The following SH3RF1 variants were observed in gnomAD, a reference collection of about 807,000 sequenced individuals.
SH3RF1 encodes the protein SH3 domain containing ring finger 1, also known as E3 ubiquitin-protein ligase SH3RF1.
A neutral mutation model predicts 74.0 loss-of-function variants in SH3RF1; 32 were observed. The observed-to-expected ratio is 0.43, with a 90% CI of 0.33 to 0.58. The LOEUF (loss-of-function observed/expected upper bound fraction) is 0.58, where lower values mean the gene tolerates loss of function less well. Ranked by LOEUF, SH3RF1 falls within the 20% of genes least tolerant of loss-of-function variation. The pLI is 0.05. For synonymous variants in SH3RF1, 396 were observed against 439.6 expected (o/e 0.90, Z 1.24); for missense variants, 954 against 1,130.9 (o/e 0.84, Z 2.24).
intron 2 of SH3RF1, among the ~76,000 whole-genome samples, chr4:169,243,849 T>A (rs1730952553): frequency 6.6e-6 from 1 of 152,260 alleles, no homozygotes; most frequent in African/African-American, 2.4e-5. Flanking sequence ...AGAAATTCCC[T>A]CCTGACTACA....
intron 4 of SH3RF1, among the ~76,000 whole-genome samples, chr4:169,152,059 T>C (rs1351232559): frequency 6.6e-6 from 1 of 152,254 alleles, no homozygotes; most frequent in Non-Finnish European, 1.5e-5. Flanking sequence ...ATCTGTTTTT[T>C]TAAAACTGTA....
intron 2 of SH3RF1, among the ~76,000 whole-genome samples, chr4:169,222,604 C>A (rs1016935560): frequency 2.6e-5 from 4 of 151,476 alleles, no homozygotes; most frequent in African/African-American, 9.7e-5. Context: ...AAATTAATAA[C>A]ATTGTTAAGA....
intron 2 of SH3RF1, among the ~76,000 whole-genome samples, chr4:169,235,039 C>T (rs1730805227): frequency 6.6e-6 from 1 of 152,172 alleles, no homozygotes. Context: ...TTAAAATCAA[C>T]TTCTAATTTA....
intron 4 of SH3RF1, among the ~76,000 whole-genome samples, chr4:169,147,413 T>C (rs1342645231): frequency 6.6e-6 from 1 of 152,200 alleles, no homozygotes; most frequent in Non-Finnish European, 1.5e-5. Flanking sequence ...AATCAGCTAA[T>C]AAATCAGTGA....
At chr4:169,177,756 A>T (rs1241796439) in intron 2 of SH3RF1, among the ~76,000 whole-genome samples, 1 of 152,172 alleles carries the variant, frequency 6.6e-6, no homozygotes, top group African/African-American at 2.4e-5. Context: ...AGTTTCCATA[A>T]AGTTTAGAGG....
In SH3RF1 at chr4:169,095,997, A is replaced by G. The variant is rs1009059765; in HGVS notation, c.*522T>C. On this transcript the variant is annotated 3_prime_UTR_variant, in exon 12 of 12. Transcript: ENST00000284637. The stretch of plus-strand genomic sequence containing the variant: ...TTAGAGAACTGGGATTTCTATCTTA[A>G]AGAAGCAAAACATAACCCCAAAATA... The G allele has an allele frequency of 6.6e-6, 1 of 152,242 alleles. No homozygotes were observed. The highest frequency in any genetic ancestry group is 1.5e-5 in the Non-Finnish European group (1 of 68,058). The allele number at this position is 152,242 out of a possible 1,614,324, so 9.4% of individuals were successfully genotyped here.
chr4:169,224,694 G>A (rs914643746), intron 2 of SH3RF1, among the ~76,000 whole-genome samples: 4 of 152,202 alleles, frequency 2.6e-5, no homozygotes, highest in African/African-American at 9.7e-5. Flanking sequence ...TAGCTGCAGG[G>A]GTAACCAGGA....
At chr4:169,169,006 T>A (rs193043646) in intron 2 of SH3RF1, among the ~76,000 whole-genome samples, 2 of 152,142 alleles carry the variant, frequency 1.3e-5, no homozygotes, top group African/African-American at 2.4e-5. Flanking sequence ...CCTTCTACAA[T>A]GTCATTAGGA....
At position 169,124,822 on chromosome 4, in the gene SH3RF1, T is replaced by C. The variant is rs936184746; in HGVS notation, c.1180-2556A>G. On this transcript the variant is annotated intron_variant, in intron 6 of 11. Coordinates refer to ENST00000284637, the MANE Select transcript of SH3RF1 (RefSeq NM_020870.4). ...GGTGATGTGGAAGTTCAAAAGGTAATCCACTGTGTATTGTGCTTCAGGCAG... is the reference window on the plus strand; with the variant it reads ...GGTGATGTGGAAGTTCAAAAGGTAACCCACTGTGTATTGTGCTTCAGGCAG... Among the ~76,000 whole-genome samples, 4 of 152,278 alleles carry C rather than the reference T, an allele frequency of 2.6e-5. No individual in the cohort carries two copies. The East Asian group carries it at 5.8e-4, about 22-fold the overall frequency.
intron 2 of SH3RF1, among the ~76,000 whole-genome samples, chr4:169,248,794 T>C (rs1731049753): frequency 6.6e-6 from 1 of 152,216 alleles, no homozygotes; most frequent in Admixed American, 6.5e-5. Flanking sequence ...CTACTCCAGA[T>C]TGAAGTGCAC....
intron 2 of SH3RF1, among the ~76,000 whole-genome samples, chr4:169,241,735 G>A (rs953723200): frequency 4.6e-5 from 7 of 152,178 alleles, no homozygotes; most frequent in Non-Finnish European, 8.8e-5. Flanking sequence ...ACACTGTGTG[G>A]GCAGAACTTG....
In SH3RF1 at chr4:169,116,291, G is replaced by A; in HGVS notation, c.2117C>T (p.Thr706Ile). 1 of 1,611,948 alleles carries A rather than the reference G, an allele frequency of 6.2e-7. No individual in the cohort carries two copies. ...ASSACGNSSA[T>I]KPDKDSKKEK... ...TACTTTGCTATCCTTGTCTGGTTTG[G>A]TTGCTGAACTGTTCCCACAAGCTGA... The change falls in exon 10 of 12, where the codon ACC becomes ATC. Residue 706 changes from threonine (T) to isoleucine (I), a missense_variant. Transcript: ENST00000284637.
intron 11 of SH3RF1, among the ~76,000 whole-genome samples, chr4:169,105,889 A>G (rs963991): frequency 0.046 from 7,024 of 152,266 alleles, 549 homozygotes; most frequent in African/African-American, 0.16. Flanking sequence ...CTGTCTCAAA[A>G]AAAGAAGAGA....
intron 2 of SH3RF1, among the ~76,000 whole-genome samples, chr4:169,266,680 G>T (rs1731362140): frequency 6.6e-6 from 1 of 152,074 alleles, no homozygotes; most frequent in Non-Finnish European, 1.5e-5. Context: ...GTCTAGGCTA[G>T]ACTTGAACTC....
chr4:169,190,197 G>A (rs1339383734), intron 2 of SH3RF1, among the ~76,000 whole-genome samples: 1 of 151,894 alleles, frequency 6.6e-6, no homozygotes, highest in Admixed American at 6.6e-5. Context: ...CCTGAACCCA[G>A]CAAAAGAAAG....
At chr4:169,098,695 G>T (rs1732969952) in intron 11 of SH3RF1, among the ~76,000 whole-genome samples, 1 of 152,196 alleles carries the variant, frequency 6.6e-6, no homozygotes, top group African/African-American at 2.4e-5. Context: ...ATCAAGCATG[G>T]AATGAGGAAG....
chr4:169,254,738 A>G (rs1731158623), intron 2 of SH3RF1, among the ~76,000 whole-genome samples: 1 of 152,188 alleles, frequency 6.6e-6, no homozygotes, highest in Non-Finnish European at 1.5e-5. Flanking sequence ...CCCTTCCACA[A>G]CTTGAAGCCC....
chr4:169,122,178 G>T lies in SH3RF1; in HGVS notation c.1268C>A (p.Ala423Asp). The T allele has an allele frequency of 6.2e-7, 1 of 1,613,698 alleles. No individual in the cohort carries two copies. Among genetic ancestry groups the T allele is most frequent in the Non-Finnish European group, 8.5e-7 (1 of 1,180,032 alleles). Residue 423 changes from alanine (A) to aspartate (D), a missense_variant, in exon 7 of 12, where the codon GCT becomes GAT. Physicochemically the swap from Ala to Asp is moderately radical, Grantham distance 126. Around this residue, in one of 3 missense-constraint regions of SH3RF1, gnomAD observed 854 missense variants for 962.5 expected, o/e 0.89. Transcript: ENST00000284637. Reference protein sequence around the residue: ...TPPGATAAAAAAGMGPRPMAG... With the variant: ...TPPGATAAAADAGMGPRPMAG... ...CATGGGCCTCGGTCCCATTCCAGCA[G>T]CAGCAGCAGCGGCGGTGGCGCCTGG...
intron 5 of SH3RF1, among the ~76,000 whole-genome samples, chr4:169,134,721 G>A (rs1007574316): frequency 4.6e-5 from 7 of 152,074 alleles, no homozygotes; most frequent in African/African-American, 1.7e-4. Context: ...TTTCTCACAC[G>A]GATATGATTA....
Sources: allele counts gnomAD v4.1 joint callset (sites outside exome capture counted in the v4.1 genomes callset), GRCh38; gene constraint gnomAD v4.1.1; regional missense constraint gnomAD v4.1.1; transcripts MANE v1.5; gene names NCBI Gene and HGNC (gene_info 2026-07-23, HGNC 2026-07-21).